The following PAXIP1 variants were observed in gnomAD, a reference collection of about 807,000 sequenced individuals.
PAXIP1 encodes the protein PAX-interacting protein 1.
PAXIP1 carries 19 observed loss-of-function variants against 140.6 expected under a neutral mutation model. That is an observed-to-expected ratio of 0.14 (90% CI 0.09 to 0.20). The LOEUF (loss-of-function observed/expected upper bound fraction) is 0.20, where lower values mean the gene tolerates loss of function less well. Among genes scored for constraint, PAXIP1 ranks in the 10% least tolerant of loss-of-function variants. The pLI is 1.00. For missense variants in PAXIP1, 920 were observed against 1,208.6 expected, an observed-to-expected ratio of 0.76 and a Z score of 3.54; for synonymous variants, 442 against 444.6, an observed-to-expected ratio of 0.99 and a Z score of 0.07.
chr7:154,988,337 G>A (rs999561413), intron 4 of PAXIP1, among the ~76,000 whole-genome samples: 5 of 152,246 alleles, frequency 3.3e-5, no homozygotes, highest in East Asian at 1.9e-4. Flanking sequence ...TCGCAATCCA[G>A]ACCAATGCCA....
Position 154,973,810 on chromosome 7 carries a change from A to G in PAXIP1, c.1074+1886T>C, listed in dbSNP as rs1440842450. ...GCCTTTCCACTGAAAGTGGATGTGG[A>G]GAATACTGGATCCGGCTTCAGGTTG... On this transcript the variant is annotated intron_variant, in intron 6 of 20. Transcript: ENST00000404141. This position sits in a 1 kb window ranked among gnomAD's most constrained non-coding sequence, Gnocchi z 4.0. Among the ~76,000 whole-genome samples, 1 of 152,226 alleles carries G rather than the reference A, an allele frequency of 6.6e-6. No individual in the cohort carries two copies. Among genetic ancestry groups the G allele is most frequent in the African/African-American group, 2.4e-5 (1 of 41,458 alleles).
chr7:154,980,271 T>C (rs1809779180), intron 5 of PAXIP1, among the ~76,000 whole-genome samples: 1 of 152,212 alleles, frequency 6.6e-6, no homozygotes, highest in Non-Finnish European at 1.5e-5. Context: ...TTGAATTTTA[T>C]TGGAAACTGT....
At chr7:154,976,403 T>C (rs1311333714) in intron 5 of PAXIP1, 72 bp from the exon 6 acceptor site, 2 of 1,508,000 alleles carry the variant, frequency 1.3e-6, no homozygotes, top group Non-Finnish European at 1.8e-6. Flanking sequence ...TTACGCATTT[T>C]AGAAAAAACT....
intron 5 of PAXIP1, among the ~76,000 whole-genome samples, chr7:154,978,318 A>G (rs1283726514): frequency 6.6e-6 from 1 of 152,210 alleles, no homozygotes; most frequent in Non-Finnish European, 1.5e-5. Flanking sequence ...TTTTATGACA[A>G]ATTCCTAGGT....
intron 20 of PAXIP1, chr7:154,945,384 A>T (rs1807912330): frequency 4.0e-6 from 1 of 251,788 alleles, no homozygotes; most frequent in Admixed American, 6.5e-5. Context: ...TGTTTGATAA[A>T]TGTAATTAAC....
Position 154,954,470 on chromosome 7 carries a change from C to T in PAXIP1, c.2653-47G>A. ...CGGAAATGAAAAAGTTCAGCATCCA[C>T]AGAGCCACACTGACACAGAGTAACA... On this transcript the variant is annotated intron_variant, in intron 15 of 20. Transcript: ENST00000404141. The surrounding 1 kb of genome is among the most constrained non-coding windows in gnomAD (Gnocchi z 5.1). 7.6e-7 allele frequency: 1 copy of T among 1,320,432 alleles called. No homozygotes were observed. Among genetic ancestry groups the T allele is most frequent in the Non-Finnish European group, 1.0e-6 (1 of 983,758 alleles). The allele number at this position is 1,320,432 out of a possible 1,614,324, so 81.8% of individuals were successfully genotyped here.
At position 154,986,217 on chromosome 7, in the gene PAXIP1, A is replaced by G; in HGVS notation, c.325-2885T>C. On this transcript the variant is annotated intron_variant, in intron 4 of 20. Transcript: ENST00000404141. The surrounding 1 kb of genome is among the most constrained non-coding windows in gnomAD (Gnocchi z 4.8). ...AGACAGAAGGTCACTGAGAACCACC[A>G]AGAAACAGTCCTTTTGTAAAGCTGG... 1 of 1,327,362 alleles carries G rather than the reference A, an allele frequency of 7.5e-7. No individual in the cohort carries two copies. Among genetic ancestry groups the G allele is most frequent in the Non-Finnish European group, 1.0e-6 (1 of 1,004,178 alleles). The allele number at this position is 1,327,362 out of a possible 1,614,324, so 82.2% of individuals were successfully genotyped here.
chr7:154,966,494 T>C (rs1809028487), intron 8 of PAXIP1, among the ~76,000 whole-genome samples: 1 of 152,250 alleles, frequency 6.6e-6, no homozygotes, highest in African/African-American at 2.4e-5. Context: ...TCCTATTTAA[T>C]GTTAGACCTC....
chr7:154,963,543 G>A lies in PAXIP1; in HGVS notation c.1989+128C>T, dbSNP rs1208859187. The A allele has an allele frequency of 7.8e-6, 5 of 638,736 alleles. No homozygotes were observed. The highest frequency in any genetic ancestry group is 1.4e-5 in the Non-Finnish European group (5 of 355,974). 39.6% of individuals were successfully genotyped at this position (638,736 alleles called of 1,614,324 possible). A position where few individuals can be genotyped will look rare whatever the true frequency, so the allele number is the denominator to read the frequency against. On this transcript the variant is annotated intron_variant, in intron 9 of 20. Coordinates refer to ENST00000404141, the MANE Select transcript of PAXIP1 (RefSeq NM_007349.4). The surrounding 1 kb of genome is among the most constrained non-coding windows in gnomAD (Gnocchi z 4.1). ...CCCACCAAAGATTCGATCACAGGAA[G>A]AAGGAATTTTCCTATCTTTAGAGGT...
chr7:154,995,648 G>A (rs546885256), intron 2 of PAXIP1, among the ~76,000 whole-genome samples: 1 of 152,258 alleles, frequency 6.6e-6, no homozygotes, highest in South Asian at 2.1e-4. Flanking sequence ...TGACAGGTTC[G>A]AGACCAGCCT....
In PAXIP1 at chr7:154,986,283, G is replaced by A; in HGVS notation, c.325-2951C>T. On this transcript the variant is annotated intron_variant, in intron 4 of 20. Coordinates refer to ENST00000404141, the MANE Select transcript of PAXIP1 (RefSeq NM_007349.4). The surrounding 1 kb of genome is among the most constrained non-coding windows in gnomAD (Gnocchi z 4.8). ...GTGCATGTGAGTGTGTGTGCGCATG[G>A]GTGCTCCAGTGTGCAGAAAAGGTGC... is the stretch of plus-strand genomic sequence containing the variant. The A allele has an allele frequency of 1.4e-6, 1 of 723,492 alleles. No homozygotes were observed. 44.8% of individuals were successfully genotyped at this position (723,492 alleles called of 1,614,324 possible). A position where few individuals can be genotyped will look rare whatever the true frequency, so the allele number is the denominator to read the frequency against.
chr7:154,952,837 C>G (rs1808333536), intron 16 of PAXIP1, among the ~76,000 whole-genome samples: 3 of 152,120 alleles, frequency 2.0e-5, no homozygotes, highest in Non-Finnish European at 4.4e-5. Flanking sequence ...TTAGTCTTTC[C>G]TTCAGATTAA....
chr7:154,957,952 C>T lies in PAXIP1; in HGVS notation c.2479-658G>A, dbSNP rs1156918936. Among the ~76,000 whole-genome samples the T allele has an allele frequency of 4.0e-5, 5 of 123,484 alleles. No homozygotes were observed. In the East Asian group the frequency reaches 6.8e-4, roughly 17 times the overall value. 81.0% of individuals were successfully genotyped at this position (123,484 alleles called of 152,430 possible). Reference sequence around the variant, plus strand: ...ACTGCAGTCCGCAGTCTGGCCTGGGCGACAGAGCGAGACTCCGTCTCAAAA... The same window carrying T: ...ACTGCAGTCCGCAGTCTGGCCTGGGTGACAGAGCGAGACTCCGTCTCAAAA... On this transcript the variant is annotated intron_variant, in intron 13 of 20. Transcript: ENST00000404141.
chr7:154,957,023 C>T, intron 14 of PAXIP1: 1 of 409,542 alleles, frequency 2.4e-6, no homozygotes, highest in Non-Finnish European at 4.3e-6. Context: ...AAGAAAAAGA[C>T]TGAATTTTTT....
intron 4 of PAXIP1, chr7:154,983,823 T>TG: frequency 6.5e-6 from 1 of 154,002 alleles, no homozygotes; most frequent in South Asian, 2.0e-4. Context: ...TATGGTGGCT[T>TG]GTAAGTTCAG....
At chr7:154,953,714 C>T (rs1205545218) in intron 16 of PAXIP1, among the ~76,000 whole-genome samples, 2 of 152,148 alleles carry the variant, frequency 1.3e-5, no homozygotes, top group African/African-American at 4.8e-5. Flanking sequence ...TAGCAAGGTT[C>T]TAAAAACATT....
chr7:154,983,209 A>G lies in PAXIP1; in HGVS notation c.438+10T>C. On this transcript the variant is annotated intron_variant, in intron 5 of 20. Coordinates refer to ENST00000404141, the MANE Select transcript of PAXIP1 (RefSeq NM_007349.4). ...ACATACAAAAAGAAGGTGGCACAAG[A>G]AACGCTTACCCCCTTTGGCTCTGGA... 1 of 1,452,602 alleles carries G rather than the reference A, an allele frequency of 6.9e-7. No individual in the cohort carries two copies. Among genetic ancestry groups the G allele is most frequent in the Non-Finnish European group, 9.4e-7 (1 of 1,064,286 alleles). The allele number at this position is 1,452,602 out of a possible 1,614,324, so 90.0% of individuals were successfully genotyped here.
chr7:154,954,409 A>G lies in PAXIP1; in HGVS notation c.2667T>C (p.Leu889=), dbSNP rs753510380. Residue 889 remains leucine (L), a synonymous_variant, in exon 16 of 21, where the codon CTT becomes CTC. Coordinates refer to ENST00000404141, the MANE Select transcript of PAXIP1 (RefSeq NM_007349.4). This position sits in a 1 kb window ranked among gnomAD's most constrained non-coding sequence, Gnocchi z 5.1. The part of the protein sequence containing the change: ...VQQYIKKLYI[L]GGEVAESAQK... ...GTGCAGACTCCGCAACCTCTCCACC[A>G]AGAATGTAGAGCTTCTAAAGGTCAC... is the stretch of plus-strand genomic sequence containing the variant. 5.8e-6 allele frequency: 9 copies of G among 1,550,100 alleles called. No homozygotes were observed. The highest frequency in any genetic ancestry group is 7.9e-6 in the Non-Finnish European group (9 of 1,139,022).
intron 5 of PAXIP1, among the ~76,000 whole-genome samples, chr7:154,977,879 C>T (rs1563379710): frequency 1.5e-5 from 2 of 131,620 alleles, no homozygotes; most frequent in African/African-American, 7.9e-5. Context: ...TACTTTTATG[C>T]TTTTGTTTTT....
Sources: allele counts gnomAD v4.1 joint callset (sites outside exome capture counted in the v4.1 genomes callset), GRCh38; gene constraint gnomAD v4.1.1; non-coding constraint Gnocchi (gnomAD v3.1); transcripts MANE v1.5; gene names NCBI Gene and HGNC (gene_info 2026-07-23, HGNC 2026-07-21).